Variants in NR2C2 observed in about 807,000 individuals in gnomAD.
The protein encoded by NR2C2 is nuclear receptor subfamily 2 group C member 2, also known as Nuclear hormone receptor TR4.
NR2C2 carries 6 observed loss-of-function variants against 62.9 expected under a neutral mutation model. The observed-to-expected ratio is 0.10, with a 90% confidence interval of 0.05 to 0.19. The LOEUF is 0.19. NR2C2 is among the 10% of genes least tolerant of loss of function. The pLI is 1.00. For missense variants in NR2C2, 479 were observed against 762.7 expected, an observed-to-expected ratio of 0.63 and a Z score of 4.38; for synonymous variants, 272 against 273.8, an observed-to-expected ratio of 0.99 and a Z score of 0.07.
rs926537943 is a variant in NR2C2, at chr3:15,044,674, C to G, written c.*1666C>G. 3.9e-5 allele frequency: 6 copies of G among 152,226 alleles called. No homozygotes were observed. The highest frequency in any genetic ancestry group is 1.4e-4 in the African/African-American group (6 of 41,456). The allele number at this position is 152,226 out of a possible 1,614,324, so 9.4% of individuals were successfully genotyped here. A position where few individuals can be genotyped will look rare whatever the true frequency, so the allele number is the denominator to read the frequency against. On this transcript the variant is annotated 3_prime_UTR_variant, in exon 14 of 14. Transcript: ENST00000425241. Reference sequence around the variant, plus strand: ...AATCAGATGATATCCAAAAAGATCCCTGGACACTCCCCTGACTCACAGGTG... The same window carrying G: ...AATCAGATGATATCCAAAAAGATCCGTGGACACTCCCCTGACTCACAGGTG...
chr3:15,007,329 A>G (rs1361150324), intron 2 of NR2C2, among the ~76,000 whole-genome samples: 4 of 150,482 alleles, frequency 2.7e-5, no homozygotes, highest in African/African-American at 7.4e-5. Flanking sequence ...GGGTTTCACC[A>G]TGTTAGACAG....
chr3:14,990,993 G>A (rs1250398097), intron 1 of NR2C2, among the ~76,000 whole-genome samples: 1 of 152,236 alleles, frequency 6.6e-6, no homozygotes, highest in Admixed American at 6.5e-5. Flanking sequence ...CCTGTGAACA[G>A]TTTATGAACC....
In NR2C2 at chr3:15,016,087, C is replaced by T. The variant is rs971765383; in HGVS notation, c.274-65C>T. The stretch of plus-strand genomic sequence containing the variant: ...AAAGTGCTGGGATTATAGACGTGAG[C>T]CACCGTGCCCGGCAGTGATTTGATT... On this transcript the variant is annotated intron_variant, in intron 3 of 13. Coordinates refer to ENST00000425241, the MANE Select transcript of NR2C2 (RefSeq NM_001291694.2). The T allele has an allele frequency of 3.2e-6, 4 of 1,256,766 alleles. No homozygotes were observed. The African/African-American group carries it at 4.4e-5, about 14-fold the overall frequency. The allele number at this position is 1,256,766 out of a possible 1,614,324, so 77.9% of individuals were successfully genotyped here.
At chr3:15,031,702 C>G (rs573879632) in intron 9 of NR2C2, among the ~76,000 whole-genome samples, 130 of 152,034 alleles carry the variant, frequency 8.6e-4, no homozygotes, top group African/African-American at 2.9e-3. Flanking sequence ...CCCAAAATGC[C>G]TGCTAGTCCA....
chr3:14,997,466 T>C (rs1020318041), intron 1 of NR2C2, among the ~76,000 whole-genome samples: 12 of 152,252 alleles, frequency 7.9e-5, no homozygotes, highest in Non-Finnish European at 1.8e-4. Context: ...ATGCAATGAA[T>C]ATGCTCTGAT....
rs1414860786 is a variant in NR2C2, at chr3:15,048,584, T to C, written c.*5576T>C. 1 of 152,658 alleles carries C rather than the reference T, an allele frequency of 6.6e-6. No homozygotes were observed. Among genetic ancestry groups the C allele is most frequent in the Non-Finnish European group, 1.5e-5 (1 of 68,040 alleles). The allele number at this position is 152,658 out of a possible 1,614,324, so 9.5% of individuals were successfully genotyped here. On this transcript the variant is annotated 3_prime_UTR_variant, in exon 14 of 14. Transcript: ENST00000425241. ...TAATGTTTGGAATAACATTTGGAAG[T>C]AGTAGACTTTGCATTAAAAAATGGC...
At chr3:14,988,630 T>C (rs566825465) in intron 1 of NR2C2, among the ~76,000 whole-genome samples, 5 of 152,376 alleles carry the variant, frequency 3.3e-5, no homozygotes, top group African/African-American at 7.2e-5. Flanking sequence ...GCTGTACTTA[T>C]TCACTTAGTG....
At chr3:14,987,867 G>A (rs78331172) in intron 1 of NR2C2, among the ~76,000 whole-genome samples, 2,195 of 152,272 alleles carry the variant, frequency 0.014, 47 homozygotes, top group African/African-American at 0.049. Flanking sequence ...ATAACTTTGT[G>A]TCTTGTGTTT....
At chr3:14,958,074 C>T (rs2039579034) in intron 1 of NR2C2, among the ~76,000 whole-genome samples, 1 of 152,220 alleles carries the variant, frequency 6.6e-6, no homozygotes. Context: ...TAATTCCTCT[C>T]CTGTAACGTT....
intron 12 of NR2C2, 69 bp from the exon 13 acceptor site, chr3:15,039,053 C>A: frequency 1.8e-6 from 2 of 1,122,360 alleles, no homozygotes; most frequent in African/African-American, 1.6e-5. Context: ...ACTAAAAGTA[C>A]TAAGAAGTCT....
At position 15,013,786 on chromosome 3, in the gene NR2C2, C is replaced by T. The variant is rs1313186427; in HGVS notation, c.270C>T (p.Ile90=). ...TTSDNLVPGR[I]QIVTDSASVE... is the part of the protein sequence containing the mutation. Reference sequence around the variant, plus strand: ...CAGACAACCTCGTCCCTGGCAGGATCCAGGTAAGGCCTTTGGACAGGTATT... The same window carrying T: ...CAGACAACCTCGTCCCTGGCAGGATTCAGGTAAGGCCTTTGGACAGGTATT... The change falls in exon 3 of 14, where the codon ATC becomes ATT. Residue 90 remains isoleucine, a synonymous_variant. Coordinates refer to ENST00000425241, the MANE Select transcript of NR2C2 (RefSeq NM_001291694.2). The T allele has an allele frequency of 1.2e-6, 2 of 1,613,974 alleles. No individual in the cohort carries two copies. The highest frequency in any genetic ancestry group is 3.3e-5 in the Admixed American group (2 of 60,014).
chr3:15,012,349 C>T (rs1193808154), intron 2 of NR2C2, among the ~76,000 whole-genome samples: 1 of 152,018 alleles, frequency 6.6e-6, no homozygotes, highest in African/African-American at 2.4e-5. Context: ...TCTTGGCATT[C>T]CAAGTAGCTG....
At position 15,032,384 on chromosome 3, in the gene NR2C2, A is replaced by G; in HGVS notation, c.1116A>G (p.Thr372=). 1.2e-6 allele frequency: 2 copies of G among 1,614,206 alleles called. No individual in the cohort carries two copies. The highest frequency in any genetic ancestry group is 1.1e-5 in the South Asian group (1 of 91,084). The change falls in exon 10 of 14, where the codon ACA becomes ACG. Residue 372 remains threonine (T), a synonymous_variant. Coordinates refer to ENST00000425241, the MANE Select transcript of NR2C2 (RefSeq NM_001291694.2). The stretch of plus-strand genomic sequence containing the variant: ...ATGTGCCTCCTCTTTTCCAGCTAAC[A>G]ATGCCCAGTCCAATGCCAGAGTACC... ...LSDTHVTFKL[T]MPSPMPEYLN...
chr3:14,994,977 CTTTTT>C (rs71038447), intron 1 of NR2C2, among the ~76,000 whole-genome samples: 2 of 104,146 alleles, frequency 1.9e-5, no homozygotes, highest in Non-Finnish European at 1.9e-5. Context: ...ATACAATTCA[CTTTTT>C]TTTTTTTTTT....
intron 1 of NR2C2, among the ~76,000 whole-genome samples, chr3:14,950,003 T>A (rs551462239): frequency 1.3e-5 from 2 of 152,344 alleles, no homozygotes; most frequent in Admixed American, 1.3e-4. Flanking sequence ...TGGACAATAA[T>A]AGAGCCTTCC....
At chr3:14,968,895 A>G (rs1313866036) in intron 1 of NR2C2, among the ~76,000 whole-genome samples, 1 of 147,792 alleles carries the variant, frequency 6.8e-6, no homozygotes, top group Admixed American at 6.8e-5. Flanking sequence ...ACAAAAAACC[A>G]AACACCGCAT....
chr3:14,996,284 GTA>G (rs1032212983), intron 1 of NR2C2, among the ~76,000 whole-genome samples: 2 of 152,074 alleles, frequency 1.3e-5, no homozygotes, highest in African/African-American at 2.4e-5. Flanking sequence ...TTTAATTTTT[GTA>G]TATGAGTTTG....
intron 2 of NR2C2, among the ~76,000 whole-genome samples, chr3:15,011,978 G>A (rs1331964944): frequency 6.6e-6 from 1 of 152,066 alleles, no homozygotes; most frequent in African/African-American, 2.4e-5. Flanking sequence ...AGAGTTCATG[G>A]TCTGCTTCCC....
At chr3:14,983,598 T>G (rs1003947001) in intron 1 of NR2C2, among the ~76,000 whole-genome samples, 2 of 152,108 alleles carry the variant, frequency 1.3e-5, no homozygotes, top group African/African-American at 4.8e-5. Flanking sequence ...ATAAAATGAG[T>G]TGGGAGAAGG....
Sources: allele counts gnomAD v4.1 joint callset (sites outside exome capture counted in the v4.1 genomes callset), GRCh38; gene constraint gnomAD v4.1.1; transcripts MANE v1.5; gene names NCBI Gene and HGNC (gene_info 2026-07-23, HGNC 2026-07-21).